The following IGFN1 variants were observed in gnomAD, a reference collection of about 807,000 sequenced individuals.
IGFN1 encodes the protein immunoglobulin like and fibronectin type III domain containing 1.
A neutral mutation model predicts 289.5 loss-of-function variants in IGFN1; 253 were observed. The observed-to-expected ratio is 0.87, with a 90% CI of 0.79 to 0.97. IGFN1 has a LOEUF of 0.97. Ranked by LOEUF, IGFN1 falls within the 50% of genes least tolerant of loss-of-function variation. The pLI is 0.00. For synonymous variants in IGFN1, 1,706 were observed against 1,788.5 expected (o/e 0.95, Z 1.16); for missense variants, 4,470 against 4,686.1 (o/e 0.95, Z 1.35).
At position 201,222,821 on chromosome 1, in the gene IGFN1, C is replaced by G; in HGVS notation, c.10284C>G (p.Ser3428=). The change falls in exon 20 of 24, where the codon TCC becomes TCG. Residue 3428 remains serine (S), a synonymous_variant. Transcript: ENST00000335211. ...KVGDTVRVPV[S]FEAMPMPEVT... ...GGGACACAGTTCGTGTGCCCGTCTC[C>G]TTTGAAGTGAGTGTACCTGCAGGGG... 1 of 1,611,634 alleles carries G rather than the reference C, an allele frequency of 6.2e-7. No homozygotes were observed. Among genetic ancestry groups the G allele is most frequent in the Non-Finnish European group, 8.5e-7 (1 of 1,178,272 alleles).
chr1:201,228,343 TGGCTGCCCC>T, intron 23 of IGFN1, 34 bp from the exon 24 acceptor site: 1 of 1,604,950 alleles, frequency 6.2e-7, no homozygotes, highest in Non-Finnish European at 8.5e-7. Flanking sequence ...CAGGGTGGGG[TGGCTGCCCC>T]TCTGAACCAA....
chr1:201,215,212 G>A, intron 14 of IGFN1, 58 bp downstream of exon 14: 2 of 1,545,014 alleles, frequency 1.3e-6, no homozygotes, highest in Non-Finnish European at 1.8e-6. Context: ...CTTTGTACCA[G>A]GTGATATGCC....
Position 201,207,482 on chromosome 1 carries a change from A to T in IGFN1, c.2589A>T (p.Gly863=). 1 of 1,531,414 alleles carries T rather than the reference A, an allele frequency of 6.5e-7. No homozygotes were observed. Among genetic ancestry groups the T allele is most frequent in the Non-Finnish European group, 8.7e-7 (1 of 1,143,794 alleles). The allele number at this position is 1,531,414 out of a possible 1,614,324, so 94.9% of individuals were successfully genotyped here. A position where few individuals can be genotyped will look rare whatever the true frequency, so the allele number is the denominator to read the frequency against. Residue 863 remains glycine, a synonymous_variant, in exon 12 of 24, where the codon GGA becomes GGT. Coordinates refer to ENST00000335211, the MANE Select transcript of IGFN1 (RefSeq NM_001164586.2). Reference sequence around the variant, plus strand: ...GGCCTGGAGTGCTGGGGCCCAGTGGAGGACAAGAGGGTATGGGTGGTATCT... The same window carrying T: ...GGCCTGGAGTGCTGGGGCCCAGTGGTGGACAAGAGGGTATGGGTGGTATCT... ...HHGPGVLGPS[G]GQEGMGGIWV...
At chr1:201,197,365 C>T in intron 5 of IGFN1, 48 bp downstream of exon 5, 1 of 1,192,978 alleles carries the variant, frequency 8.4e-7, no homozygotes, top group Non-Finnish European at 1.2e-6. Context: ...GGCAGAGACC[C>T]ACAGAGGAAT....
chr1:201,226,065 G>A lies in IGFN1; in HGVS notation c.10728G>A (p.Glu3576=). 2 of 1,602,566 alleles carry A rather than the reference G, an allele frequency of 1.2e-6. No homozygotes were observed. The highest frequency in any genetic ancestry group is 1.7e-6 in the Non-Finnish European group (2 of 1,172,650). ...ACTTCAGGGTGGTGGCCAAGAATGA[G>A]CTGGGGGCCAGCAAACCCTCGGACA... ...EYHFRVVAKN[E]LGASKPSDTS... The change falls in exon 22 of 24, where the codon GAG becomes GAA. Residue 3576 remains glutamate, a synonymous_variant. Transcript: ENST00000335211.
At chr1:201,214,894 C>T (rs1241117048) in intron 13 of IGFN1, 119 bp from the exon 14 acceptor site, 5 of 985,026 alleles carry the variant, frequency 5.1e-6, no homozygotes, top group Non-Finnish European at 7.5e-6. Context: ...ACACAATAAG[C>T]ATTCCATTCA....
intron 20 of IGFN1, among the ~76,000 whole-genome samples, chr1:201,224,417 C>G (rs1396214328): frequency 6.6e-6 from 1 of 152,160 alleles, no homozygotes; most frequent in Non-Finnish European, 1.5e-5. Context: ...GTGGAGGGCA[C>G]TTTGCATTTT....
At position 201,203,744 on chromosome 1, in the gene IGFN1, G is replaced by A; in HGVS notation, c.754G>A (p.Glu252Lys). 1 of 1,551,696 alleles carries A rather than the reference G, an allele frequency of 6.4e-7. No homozygotes were observed. The highest frequency in any genetic ancestry group is 8.7e-7 in the Non-Finnish European group (1 of 1,147,016). Residue 252 changes from glutamate (E) to lysine (K), a missense_variant, in exon 10 of 24, where the codon GAG becomes AAG. Physicochemically the swap from Glu to Lys is moderately conservative, Grantham distance 56. Around this residue, in one of 8 missense-constraint regions of IGFN1, gnomAD observed 2,011 missense variants for 1,953.4 expected, o/e 1.03. Transcript: ENST00000335211. The part of the protein sequence containing the change: ...QSKIYLYKDG[E>K]MIPYGFNNQT... The stretch of plus-strand genomic sequence containing the variant: ...CTTCCTTTTCTGGCCTTAGGATGGT[G>A]AGATGATCCCCTATGGCTTCAACAA...
At chr1:201,219,701 C>T (rs1440634756) in intron 18 of IGFN1, among the ~76,000 whole-genome samples, 2 of 152,192 alleles carry the variant, frequency 1.3e-5, no homozygotes, top group African/African-American at 4.8e-5. Context: ...ATCTCTGTGC[C>T]CCACAGGGCC....
intron 8 of IGFN1, 140 bp from the exon 9 acceptor site, chr1:201,201,579 C>T: frequency 3.5e-6 from 2 of 570,900 alleles, no homozygotes; most frequent in East Asian, 2.9e-5. Flanking sequence ...GGCTTACTTT[C>T]CCCCACTTGT....
chr1:201,216,595 G>A lies in IGFN1; in HGVS notation c.9437G>A (p.Ser3146Asn), dbSNP rs1222906844. 5 of 1,613,816 alleles carry A rather than the reference G, an allele frequency of 3.1e-6. No individual in the cohort carries two copies. Among genetic ancestry groups the A allele is most frequent in the Admixed American group, 1.7e-5 (1 of 60,004 alleles). The part of the protein sequence containing the change: ...YVVERRQAGR[S>N]TWLKVGEAPA... Reference sequence around the variant, plus strand: ...GTGGAGAGACGGCAGGCTGGCAGGAGCACTTGGCTGAAGGTGGGCGAGGCC... The same window carrying A: ...GTGGAGAGACGGCAGGCTGGCAGGAACACTTGGCTGAAGGTGGGCGAGGCC... Residue 3146 changes from serine to asparagine, a missense_variant, in exon 16 of 24, where the codon AGC becomes AAC. Ser to Asn is a conservative substitution (Grantham distance 46). Around this residue, in one of 8 missense-constraint regions of IGFN1, gnomAD observed 2,218 missense variants for 2,114.1 expected, o/e 1.05. Transcript: ENST00000335211.
At position 201,207,151 on chromosome 1, in the gene IGFN1, T is replaced by C. The variant is rs1213641754; in HGVS notation, c.2258T>C (p.Leu753Pro). 2.0e-6 allele frequency: 3 copies of C among 1,536,890 alleles called. No individual in the cohort carries two copies. The highest frequency in any genetic ancestry group is 2.7e-5 in the African/African-American group (2 of 73,006). ...CCTGAGATCAAAGCTGAAGACTCAC[T>C]GCAGGAGGCAGATGGTATATGCCGG... ...GSPEIKAEDS[L>P]QEADGICRGE... The change falls in exon 12 of 24, where the codon CTG (leucine) becomes CCG (proline). Residue 753 changes from leucine to proline, a missense_variant. Physicochemically the swap from Leu to Pro is moderately conservative, Grantham distance 98. Transcript: ENST00000335211.
chr1:201,226,992 A>C lies in IGFN1; in HGVS notation c.10897A>C (p.Met3633Leu). 1.9e-6 allele frequency: 3 copies of C among 1,613,336 alleles called. No homozygotes were observed. The highest frequency in any genetic ancestry group is 2.5e-6 in the Non-Finnish European group (3 of 1,180,028). ...HLLPQGCECC[M>L]SCAVQGSPRP... ...GCTGCCCCAGGGCTGCGAGTGCTGCATGAGCTGTGCCGTGCAGGGCTCGCC... is the reference window on the plus strand; with the variant it reads ...GCTGCCCCAGGGCTGCGAGTGCTGCCTGAGCTGTGCCGTGCAGGGCTCGCC... The change falls in exon 23 of 24, where the codon ATG (methionine) becomes CTG (leucine). Residue 3633 changes from methionine (M) to leucine (L), a missense_variant. By Grantham distance (15) the Met-to-Leu change is conservative. Transcript: ENST00000335211.
rs1403982199 is a variant in IGFN1 at position 201,199,931 on chromosome 1, T to A, written c.458+277T>A. ...GTGGTGGTCCACCAGAACAATGATG[T>A]ACTTTTTTTTTTTAAGCAACAGAAC... On this transcript the variant is annotated intron_variant, in intron 7 of 23. Coordinates refer to ENST00000335211, the MANE Select transcript of IGFN1 (RefSeq NM_001164586.2). 3.3e-5 allele frequency among the ~76,000 whole-genome samples: 5 copies of A among 151,958 alleles called. No individual in the cohort carries two copies. In the East Asian group the frequency reaches 9.7e-4, roughly 30 times the overall value.
In IGFN1 at chr1:201,213,313, G is replaced by A. The variant is rs781025521; in HGVS notation, c.8420G>A (p.Arg2807Lys). 5 of 1,578,296 alleles carry A rather than the reference G, an allele frequency of 3.2e-6. No homozygotes were observed. The highest frequency in any genetic ancestry group is 1.2e-5 in the South Asian group (1 of 86,678). ...DEGQGVEEAG[R>K]SGRRPGSLRS... Reference sequence around the variant, plus strand: ...GGGCAGGGAGTGGAAGAGGCTGGGAGGTCAGGCAGGAGGCCTGGCTCACTC... The same window carrying A: ...GGGCAGGGAGTGGAAGAGGCTGGGAAGTCAGGCAGGAGGCCTGGCTCACTC... Residue 2807 changes from arginine (R) to lysine (K), a missense_variant, in exon 12 of 24, where the codon AGG (arginine) becomes AAG (lysine). Arg to Lys is a conservative substitution (Grantham distance 26). Transcript: ENST00000335211.
chr1:201,205,458 A>G, intron 11 of IGFN1, 104 bp downstream of exon 11: 1 of 1,267,652 alleles, frequency 7.9e-7, no homozygotes, highest in African/African-American at 1.5e-5. Context: ...GTCAGAGAGA[A>G]TAAGGAAAGC....
intron 5 of IGFN1, among the ~76,000 whole-genome samples, chr1:201,198,591 AT>A (rs975448281): frequency 6.6e-6 from 1 of 150,680 alleles, no homozygotes; most frequent in African/African-American, 2.5e-5. Context: ...CACCCAGCTA[AT>A]TTTTTTATTT....
chr1:201,205,853 G>A (rs764077502), intron 11 of IGFN1, among the ~76,000 whole-genome samples: 77 of 152,196 alleles, frequency 5.1e-4, no homozygotes, highest in Non-Finnish European at 1.3e-4. Flanking sequence ...TAGCAGGGTG[G>A]CCTGCGGGTA....
In IGFN1 at chr1:201,213,552, A is replaced by C; in HGVS notation, c.8659A>C (p.Arg2887=). The stretch of plus-strand genomic sequence containing the variant: ...CAGGTTGGACATCTATGGAGAGAGG[A>C]GAGATGCTACCCGGAGTTCCACATC... ...DGRLDIYGER[R]DATRSSTSRY... The change falls in exon 12 of 24, where the codon AGA becomes CGA. Residue 2887 remains arginine (R), a synonymous_variant. Coordinates refer to ENST00000335211, the MANE Select transcript of IGFN1 (RefSeq NM_001164586.2). 6.2e-7 allele frequency: 1 copy of C among 1,613,942 alleles called. No homozygotes were observed.
Sources: allele counts gnomAD v4.1 joint callset (sites outside exome capture counted in the v4.1 genomes callset), GRCh38; gene constraint gnomAD v4.1.1; regional missense constraint gnomAD v4.1.1; transcripts MANE v1.5; gene names NCBI Gene and HGNC (gene_info 2026-07-23, HGNC 2026-07-21).